The following COL5A2 variants were observed in gnomAD, a reference collection of about 807,000 sequenced individuals.
COL5A2 encodes collagen type V alpha 2 chain, also known as collagen alpha-2(V) chain.
Under a neutral mutation model 208.2 loss-of-function variants are expected in COL5A2, and 23 were observed. That is an observed-to-expected ratio of 0.11 (90% CI 0.08 to 0.16). COL5A2 has a LOEUF of 0.16. COL5A2 is among the 10% of genes least tolerant of loss of function. The probability of loss-of-function intolerance (pLI) is 1.00; values close to 1 mark genes in which losing one functional copy is unlikely to be tolerated. For synonymous variants in COL5A2, 625 were observed against 628.5 expected, an observed-to-expected ratio of 0.99 and a Z score of 0.08; for missense variants, 1,590 against 1,956.4, an observed-to-expected ratio of 0.81 and a Z score of 3.53.
At chr2:189,290,467 T>C in the COL5A2 span, among the ~76,000 whole-genome samples, 1 of 152,286 alleles carries the variant, frequency 6.6e-6, no homozygotes, top group African/African-American at 2.4e-5. Context: ...CCCAGTAATG[T>C]AGAATGCTGC....
intron 1 of COL5A2, among the ~76,000 whole-genome samples, chr2:189,187,590 A>T (rs1197399389): frequency 6.6e-6 from 1 of 152,220 alleles, no homozygotes; most frequent in East Asian, 1.9e-4. Flanking sequence ...TCTGGCATAG[A>T]GGTAATATTA....
chr2:189,273,453 A>T, the COL5A2 span, among the ~76,000 whole-genome samples: 9 of 152,170 alleles, frequency 5.9e-5, no homozygotes, highest in Non-Finnish European at 8.8e-5. Context: ...TCATCAAAAA[A>T]TTAAAAATAG....
At chr2:189,053,530 C>G in intron 37 of COL5A2, 53 bp from the exon 38 acceptor site, 1 of 1,434,332 alleles carries the variant, frequency 7.0e-7, no homozygotes, top group Non-Finnish European at 9.8e-7. Context: ...TAAACAGGAA[C>G]AGTATTTTAA....
chr2:189,227,936 A>G (rs1300238182), upstream of COL5A2, among the ~76,000 whole-genome samples: 4 of 151,984 alleles, frequency 2.6e-5, no homozygotes, highest in African/African-American at 9.7e-5. Context: ...CTAGGTCACA[A>G]AACAAAACTT....
intron 7 of COL5A2, among the ~76,000 whole-genome samples, chr2:189,091,361 G>A (rs1191725910): frequency 6.6e-6 from 1 of 152,152 alleles, no homozygotes; most frequent in Admixed American, 6.5e-5. Flanking sequence ...TGTGAAGATT[G>A]TTGAAATGAC....
intron 3 of COL5A2, among the ~76,000 whole-genome samples, chr2:189,104,029 A>G (rs886824618): frequency 1.1e-4 from 17 of 152,046 alleles, no homozygotes; most frequent in African/African-American, 3.1e-4. Context: ...AGATGTCACA[A>G]CTTTCTGGCA....
chr2:189,049,897 T>A (rs2153507995), intron 43 of COL5A2, among the ~76,000 whole-genome samples: 1 of 152,352 alleles, frequency 6.6e-6, no homozygotes, highest in African/African-American at 2.4e-5. Context: ...TAGCTCCTAC[T>A]TTGTTGGTTT....
the COL5A2 span, among the ~76,000 whole-genome samples, chr2:189,258,834 C>T: frequency 6.6e-6 from 1 of 152,148 alleles, no homozygotes; most frequent in Non-Finnish European, 1.5e-5. Flanking sequence ...CGGGTGCCAA[C>T]TTCAGCTCTG....
chr2:189,433,145 T>C, the COL5A2 span, among the ~76,000 whole-genome samples: 4 of 152,184 alleles, frequency 2.6e-5, no homozygotes, highest in East Asian at 7.7e-4. Flanking sequence ...AGAACAAAGA[T>C]AAAACGTACC....
chr2:189,222,198 C>T (rs1429662397), intron 1 of COL5A2, among the ~76,000 whole-genome samples: 1 of 152,084 alleles, frequency 6.6e-6, no homozygotes, highest in African/African-American at 2.4e-5. Context: ...TGAGTTTAAG[C>T]CAGATGTCCA....
At chr2:189,286,225 G>T in the COL5A2 span, among the ~76,000 whole-genome samples, 2 of 152,124 alleles carry the variant, frequency 1.3e-5, no homozygotes, top group Admixed American at 6.6e-5. Context: ...CCATTTTCAG[G>T]TGGTACTTTT....
At chr2:189,407,565 T>C in the COL5A2 span, among the ~76,000 whole-genome samples, 3 of 152,170 alleles carry the variant, frequency 2.0e-5, no homozygotes, top group African/African-American at 7.2e-5. Context: ...GATAAGACTC[T>C]TTCTGCCTTT....
Position 189,045,244 on chromosome 2 carries a change from T to G in COL5A2, c.3310-12A>C. 6.3e-7 allele frequency: 1 copy of G among 1,599,968 alleles called. No individual in the cohort carries two copies. Among genetic ancestry groups the G allele is most frequent in the African/African-American group, 1.4e-5 (1 of 74,028 alleles). ...GGACCCCGAGAACCCTAAAAGAAAT[T>G]TACAACAAAAAAAATTGGCATGTAA... On this transcript the variant is annotated splice_polypyrimidine_tract_variant and intron_variant, in intron 46 of 53. Transcript: ENST00000374866.
At chr2:189,259,254 T>C in the COL5A2 span, among the ~76,000 whole-genome samples, 8,255 of 151,950 alleles carry the variant, frequency 0.054, 285 homozygotes, top group Admixed American at 0.1. Context: ...TCTCCAAATG[T>C]GAAAAACAAA....
intron 1 of COL5A2, among the ~76,000 whole-genome samples, chr2:189,205,723 C>T (rs544509884): frequency 4.0e-4 from 61 of 152,080 alleles, no homozygotes; most frequent in Non-Finnish European, 5.9e-4. Flanking sequence ...TATCTACATT[C>T]ATATTTTAAT....
the COL5A2 span, among the ~76,000 whole-genome samples, chr2:189,360,323 TAAC>T: frequency 6.6e-6 from 1 of 152,144 alleles, no homozygotes; most frequent in Non-Finnish European, 1.5e-5. Flanking sequence ...TTGCCTATCT[TAAC>T]AACATTATAT....
chr2:189,416,184 C>T, the COL5A2 span, among the ~76,000 whole-genome samples: 3 of 152,090 alleles, frequency 2.0e-5, no homozygotes, highest in African/African-American at 7.2e-5. Flanking sequence ...CTAGAAATAC[C>T]ATTTGACCCA....
chr2:189,363,851 C>T, the COL5A2 span, among the ~76,000 whole-genome samples: 3 of 152,130 alleles, frequency 2.0e-5, no homozygotes, highest in Non-Finnish European at 4.4e-5. Context: ...GATTGCTAGC[C>T]TTCTCATAAT....
At chr2:189,426,901 TA>T in the COL5A2 span, among the ~76,000 whole-genome samples, 12 of 152,294 alleles carry the variant, frequency 7.9e-5, no homozygotes, top group African/African-American at 2.9e-4. Flanking sequence ...AACTTATATC[TA>T]AAAGGGAAGC....
Sources: allele counts gnomAD v4.1 joint callset (sites outside exome capture counted in the v4.1 genomes callset), GRCh38; gene constraint gnomAD v4.1.1; transcripts MANE v1.5; gene names NCBI Gene and HGNC (gene_info 2026-07-23, HGNC 2026-07-21).